The following DNMBP variants were observed in gnomAD, a reference collection of about 807,000 sequenced individuals.
DNMBP encodes dynamin binding protein, also known as dynamin-binding protein.
In DNMBP, 87 loss-of-function variants were observed where a neutral mutation model predicts 150.0. The observed-to-expected ratio is 0.58, with a 90% CI of 0.49 to 0.69. The LOEUF is 0.69. Ranked by LOEUF, DNMBP falls within the 30% of genes least tolerant of loss-of-function variation. DNMBP has a pLI of 0.00. For missense variants in DNMBP, 1,774 were observed against 1,949.0 expected (o/e 0.91, Z 1.69); for synonymous variants, 711 against 750.4 (o/e 0.95, Z 0.86).
chr10:99,924,165 C>T (rs563336747), intron 4 of DNMBP, among the ~76,000 whole-genome samples: 56 of 151,170 alleles, frequency 3.7e-4, no homozygotes, highest in South Asian at 1.0e-3. Flanking sequence ...GGTGCGGTGG[C>T]GGTAGCTCAC....
intron 6 of DNMBP, among the ~76,000 whole-genome samples, chr10:99,903,046 T>C (rs2039769091): frequency 6.6e-6 from 1 of 151,526 alleles, no homozygotes; most frequent in Admixed American, 6.6e-5. Flanking sequence ...CCAATCCTCC[T>C]GCCTCAGCCT....
chr10:99,924,943 T>C (rs2040061638), intron 4 of DNMBP, among the ~76,000 whole-genome samples: 1 of 152,192 alleles, frequency 6.6e-6, no homozygotes, highest in Non-Finnish European at 1.5e-5. Flanking sequence ...ACTGCTTTCA[T>C]ATCCTTATCA....
chr10:99,963,246 T>C (rs2040582825), intron 3 of DNMBP, among the ~76,000 whole-genome samples: 2 of 151,736 alleles, frequency 1.3e-5, no homozygotes, highest in Admixed American at 6.6e-5. Context: ...TTTTTTTTTT[T>C]GTTATTGTGG....
Position 99,933,861 on chromosome 10 carries a change from G to A in DNMBP, c.2260+21353C>T, listed in dbSNP as rs373415688. 3.4e-4 allele frequency among the ~76,000 whole-genome samples: 51 copies of A among 151,996 alleles called. No individual in the cohort carries two copies. The East Asian group carries it at 7.5e-3, about 22-fold the overall frequency. ...ACACCATTCTCCTGCCTCAGCCTCC[G>A]CAGCAGCTGGGACTACAGGCGCCCG... On this transcript the variant is annotated intron_variant, in intron 4 of 16. Coordinates refer to ENST00000324109, the MANE Select transcript of DNMBP (RefSeq NM_015221.4).
intron 1 of DNMBP, among the ~76,000 whole-genome samples, chr10:99,997,931 A>G (rs2040966581): frequency 6.8e-6 from 1 of 146,342 alleles, no homozygotes; most frequent in Non-Finnish European, 1.5e-5. Context: ...CTGTCTCAAA[A>G]AAAAAAAAAA....
chr10:99,921,153 C>A (rs1029569145), intron 4 of DNMBP, among the ~76,000 whole-genome samples: 1 of 152,184 alleles, frequency 6.6e-6, no homozygotes, highest in Non-Finnish European at 1.5e-5. Context: ...ATTATGAAAC[C>A]TGTAACAACA....
At chr10:99,968,373 A>G (rs959625689) in intron 3 of DNMBP, among the ~76,000 whole-genome samples, 1 of 152,132 alleles carries the variant, frequency 6.6e-6, no homozygotes, top group African/African-American at 2.4e-5. Flanking sequence ...ATCAGTTTTT[A>G]AAAGAAAAAA....
In DNMBP at chr10:99,877,342, T is replaced by C; in HGVS notation, c.4549-6A>G. On this transcript the variant is annotated splice_polypyrimidine_tract_variant and splice_region_variant and intron_variant, in intron 16 of 16. Coordinates refer to ENST00000324109, the MANE Select transcript of DNMBP (RefSeq NM_015221.4). The stretch of plus-strand genomic sequence containing the variant: ...GTGTAGACAGCAAAATAGACCTGTG[T>C]GAGGGAGAGAGAGAAAATGGGAAAT... The C allele has an allele frequency of 6.3e-7, 1 of 1,597,696 alleles. No homozygotes were observed. The highest frequency in any genetic ancestry group is 8.5e-7 in the Non-Finnish European group (1 of 1,171,676).
At chr10:99,936,379 CTTCTT>C (rs1722457710) in intron 4 of DNMBP, among the ~76,000 whole-genome samples, 1 of 152,016 alleles carries the variant, frequency 6.6e-6, no homozygotes, top group Non-Finnish European at 1.5e-5. Context: ...TTATTGGTAC[CTTCTT>C]TTAAGATCTC....
chr10:99,930,911 C>T (rs981862102), intron 4 of DNMBP: 17 of 546,522 alleles, frequency 3.1e-5, no homozygotes, highest in East Asian at 2.1e-4. Context: ...TTGCTCTAGT[C>T]GGAGCGCAGT....
At chr10:99,924,598 T>G (rs1233408574) in intron 4 of DNMBP, among the ~76,000 whole-genome samples, 3 of 152,232 alleles carry the variant, frequency 2.0e-5, no homozygotes, top group Non-Finnish European at 4.4e-5. Context: ...TTTAAGAGTA[T>G]AGTTGCCTTC....
Position 99,880,050 on chromosome 10 carries a change from C to A in DNMBP, c.4309G>T (p.Asp1437Tyr), listed in dbSNP as rs2039340705. The A allele has an allele frequency of 2.5e-6, 4 of 1,614,198 alleles. No individual in the cohort carries two copies. The highest frequency in any genetic ancestry group is 3.4e-6 in the Non-Finnish European group (4 of 1,180,030). The change falls in exon 16 of 17, where the codon GAC becomes TAC. Residue 1437 changes from aspartate (D) to tyrosine (Y), a missense_variant. Coordinates refer to ENST00000324109, the MANE Select transcript of DNMBP (RefSeq NM_015221.4). Reference protein sequence around the residue: ...SESSPSRCPSDPDSTSQPRSG... With the variant: ...SESSPSRCPSYPDSTSQPRSG... ...CTTGGCTGGGAGGTGGAGTCTGGGTCTGAAGGGCATCTGGAAGGACTACTC... is the reference window on the plus strand; with the variant it reads ...CTTGGCTGGGAGGTGGAGTCTGGGTATGAAGGGCATCTGGAAGGACTACTC...
At chr10:99,906,936 G>A (rs2039833468) in intron 6 of DNMBP, among the ~76,000 whole-genome samples, 1 of 152,210 alleles carries the variant, frequency 6.6e-6, no homozygotes, top group African/African-American at 2.4e-5. Flanking sequence ...AGAACTAGAT[G>A]AATGTTTTAA....
intron 12 of DNMBP, 46 bp from the exon 13 acceptor site, chr10:99,886,678 C>T (rs754745730): frequency 1.3e-6 from 2 of 1,553,692 alleles, no homozygotes; most frequent in Non-Finnish European, 1.8e-6. Flanking sequence ...CAGCATCCCA[C>T]ATTTGTGATT....
Position 99,885,787 on chromosome 10 carries a change from T to C in DNMBP, c.3698A>G (p.Gln1233Arg). 1 of 1,612,144 alleles carries C rather than the reference T, an allele frequency of 6.2e-7. No homozygotes were observed. The highest frequency in any genetic ancestry group is 8.5e-7 in the Non-Finnish European group (1 of 1,179,240). The change falls in exon 14 of 17, where the codon CAG becomes CGG. Residue 1233 changes from glutamine (Q) to arginine (R), a missense_variant. This residue lies in a region of DNMBP where 1,430 missense variants were observed against 1,492.5 expected (regional missense o/e 0.96). Transcript: ENST00000324109. ...EEHSRVLQQL[Q>R]VFTFFPESLP... is the part of the protein sequence containing the mutation. ...AGACTCCGGGAAGAAGGTAAAAACCTGGAGTTGCTGCAGAACTCTGCTGTG... is the reference window on the plus strand; with the variant it reads ...AGACTCCGGGAAGAAGGTAAAAACCCGGAGTTGCTGCAGAACTCTGCTGTG...
At chr10:99,877,471 A>G in intron 16 of DNMBP, 135 bp from the exon 17 acceptor site, 2 of 594,302 alleles carry the variant, frequency 3.4e-6, no homozygotes, top group Admixed American at 3.3e-5. Flanking sequence ...GGCCAGTGAG[A>G]CAGAGGAACT....
intron 1 of DNMBP, among the ~76,000 whole-genome samples, chr10:99,974,665 C>T (rs1441462368): frequency 6.6e-6 from 1 of 152,054 alleles, no homozygotes; most frequent in Non-Finnish European, 1.5e-5. Context: ...CTTATTTGGT[C>T]TTGGTAGAGA....
intron 11 of DNMBP, among the ~76,000 whole-genome samples, chr10:99,890,899 G>A (rs563516247): frequency 1.3e-5 from 2 of 152,152 alleles, no homozygotes; most frequent in African/African-American, 4.8e-5. Context: ...TGCCCACCTC[G>A]GCCTCCCAAA....
At position 99,955,649 on chromosome 10, in the gene DNMBP, T is replaced by G; in HGVS notation, c.1825A>C (p.Arg609=). The G allele has an allele frequency of 6.2e-7, 1 of 1,614,212 alleles. No individual in the cohort carries two copies. The change falls in exon 4 of 17, where the codon AGG becomes CGG. Residue 609 remains arginine (R), a synonymous_variant. Transcript: ENST00000324109. ...QELPERRKAL[R]PPPPRPCTPV... The stretch of plus-strand genomic sequence containing the variant: ...GTACAGGGACGAGGTGGCGGTGGCC[T>G]TAGGGCCTTTCTCCTTTCCGGCAGC...
Sources: gnomAD v4.1 joint callset for allele counts (sites outside exome capture counted in the v4.1 genomes callset) on GRCh38, gnomAD v4.1.1 for gene constraint, gnomAD v4.1.1 regional missense constraint, MANE v1.5 for transcripts, NCBI Gene and HGNC (gene_info 2026-07-23, HGNC 2026-07-21) for gene names.